SLC43A2: variants seen among roughly 807,000 people sequenced by gnomAD.
SLC43A2 encodes solute carrier family 43 member 2, also known as large neutral amino acids transporter small subunit 4.
A neutral mutation model predicts 63.2 loss-of-function variants in SLC43A2; 38 were observed. That is an observed-to-expected ratio of 0.60 (90% CI 0.46 to 0.79). The LOEUF is 0.79. Ranked by LOEUF, SLC43A2 falls within the 30% of genes least tolerant of loss-of-function variation. The pLI is 0.00. For synonymous variants in SLC43A2, 322 were observed against 331.0 expected, an observed-to-expected ratio of 0.97 and a Z score of 0.30; for missense variants, 644 against 756.2, an observed-to-expected ratio of 0.85 and a Z score of 1.74.
rs1304359658 is a variant in SLC43A2 at position 1,573,406 on chromosome 17, G to C, written c.*2198C>G. The C allele has an allele frequency of 6.6e-6, 1 of 152,288 alleles. No individual in the cohort carries two copies. Among genetic ancestry groups the C allele is most frequent in the Non-Finnish European group, 1.5e-5 (1 of 68,112 alleles). The allele number at this position is 152,288 out of a possible 1,614,324, so 9.4% of individuals were successfully genotyped here. On this transcript the variant is annotated 3_prime_UTR_variant, in exon 14 of 14. Transcript: ENST00000301335. ...TGGAGGCTGGTGGCTCTGATGGTTC[G>C]AGCCGTTCCTCGGCAGCACAGCACA...
In SLC43A2 at chr17:1,574,721, G is replaced by C. The variant is rs1301506926; in HGVS notation, c.*883C>G. Reference sequence around the variant, plus strand: ...AGGCCTGGCGGCTCCCGCCTGGTCAGTGGGGATAAGGGCTAACTCCTAGAG... The same window carrying C: ...AGGCCTGGCGGCTCCCGCCTGGTCACTGGGGATAAGGGCTAACTCCTAGAG... On this transcript the variant is annotated 3_prime_UTR_variant, in exon 14 of 14. Coordinates refer to ENST00000301335, the MANE Select transcript of SLC43A2 (RefSeq NM_152346.3). The C allele has an allele frequency of 6.6e-6, 1 of 152,386 alleles. No homozygotes were observed. Among genetic ancestry groups the C allele is most frequent in the African/African-American group, 2.4e-5 (1 of 41,476 alleles). 9.4% of individuals were successfully genotyped at this position (152,386 alleles called of 1,614,324 possible). A position where few individuals can be genotyped will look rare whatever the true frequency, so the allele number is the denominator to read the frequency against.
chr17:1,627,851 G>A lies in SLC43A2; in HGVS notation c.24C>T (p.Ala8=). The A allele has an allele frequency of 1.3e-6, 2 of 1,582,444 alleles. No homozygotes were observed. The highest frequency in any genetic ancestry group is 1.7e-6 in the Non-Finnish European group (2 of 1,164,726). MAPTLAT[A]HRRRWWMACT... is the part of the protein sequence containing the mutation. ...AGGCCATCCACCAGCGGCGCCGATGGGCAGTGGCCAGGGTGGGCGCCATGG... is the reference window on the plus strand; with the variant it reads ...AGGCCATCCACCAGCGGCGCCGATGAGCAGTGGCCAGGGTGGGCGCCATGG... The change falls in exon 2 of 14, where the codon GCC becomes GCT. Residue 8 remains alanine (A), a synonymous_variant. Coordinates refer to ENST00000301335, the MANE Select transcript of SLC43A2 (RefSeq NM_152346.3).
At chr17:1,582,765 T>C (rs1173732851) in intron 11 of SLC43A2, among the ~76,000 whole-genome samples, 3 of 152,070 alleles carry the variant, frequency 2.0e-5, no homozygotes, top group East Asian at 1.9e-4. Context: ...GGCTGCTCGG[T>C]TGAGTGGAAT....
intron 5 of SLC43A2, among the ~76,000 whole-genome samples, chr17:1,600,781 C>T (rs936901180): frequency 1.3e-5 from 2 of 151,748 alleles, no homozygotes; most frequent in Non-Finnish European, 2.9e-5. Context: ...TGGTCTCAAA[C>T]TCCTGACCTC....
rs1367171905 is a variant in SLC43A2 at position 1,570,555 on chromosome 17, C to T, written c.*5049G>A. 2.0e-5 allele frequency: 3 copies of T among 147,594 alleles called. No homozygotes were observed. Among genetic ancestry groups the T allele is most frequent in the East Asian group, 2.0e-4 (1 of 4,966 alleles). 9.1% of individuals were successfully genotyped at this position (147,594 alleles called of 1,614,324 possible). ...AGGCTGGAGTGCAGTGGCGGGATCT[C>T]GGCTCACTGCAAGCTCCGCCTCCCG... On this transcript the variant is annotated 3_prime_UTR_variant, in exon 14 of 14. Coordinates refer to ENST00000301335, the MANE Select transcript of SLC43A2 (RefSeq NM_152346.3).
chr17:1,574,064 T>G lies in SLC43A2; in HGVS notation c.*1540A>C, dbSNP rs2075886087. On this transcript the variant is annotated 3_prime_UTR_variant, in exon 14 of 14. Coordinates refer to ENST00000301335, the MANE Select transcript of SLC43A2 (RefSeq NM_152346.3). ...CCCTGCCGCCCACATCCTGAACTGC[T>G]CTGAGCCTGCAGAAGAACCCAGCGG... 6.6e-6 allele frequency: 1 copy of G among 152,338 alleles called. No homozygotes were observed. Among genetic ancestry groups the G allele is most frequent in the African/African-American group, 2.4e-5 (1 of 41,412 alleles). The allele number at this position is 152,338 out of a possible 1,614,324, so 9.4% of individuals were successfully genotyped here.
rs909630648 is a variant in SLC43A2 at position 1,606,707 on chromosome 17, G to A, written c.501+6488C>T. Among the ~76,000 whole-genome samples, 6 of 152,214 alleles carry A rather than the reference G, an allele frequency of 3.9e-5. No homozygotes were observed. Among genetic ancestry groups the A allele is most frequent in the African/African-American group, 1.4e-4 (6 of 41,464 alleles). ...GCGAGGCACTGAACAAACACTGAGC[G>A]TGCCGTCCAGATGTCCCGGGGGAGG... On this transcript the variant is annotated intron_variant, in intron 5 of 13. Transcript: ENST00000301335. The surrounding 1 kb of genome is among the most constrained non-coding windows in gnomAD (Gnocchi z 4.7).
chr17:1,605,007 C>A lies in SLC43A2; in HGVS notation c.501+8188G>T. Reference sequence around the variant, plus strand: ...CTCGAGGGCTGGCGGAGGGGAAGGACCCCAGGAGGGGAAGGACCAGCTTTG... The same window carrying A: ...CTCGAGGGCTGGCGGAGGGGAAGGAACCCAGGAGGGGAAGGACCAGCTTTG... On this transcript the variant is annotated intron_variant, in intron 5 of 13. Coordinates refer to ENST00000301335, the MANE Select transcript of SLC43A2 (RefSeq NM_152346.3). This position sits in a 1 kb window ranked among gnomAD's most constrained non-coding sequence, Gnocchi z 4.9. 7.0e-7 allele frequency: 1 copy of A among 1,433,350 alleles called. No individual in the cohort carries two copies. Among genetic ancestry groups the A allele is most frequent in the Non-Finnish European group, 9.1e-7 (1 of 1,094,892 alleles). The allele number at this position is 1,433,350 out of a possible 1,614,324, so 88.8% of individuals were successfully genotyped here. A position where few individuals can be genotyped will look rare whatever the true frequency, so the allele number is the denominator to read the frequency against.
rs534321452 is a variant in SLC43A2 at position 1,591,054 on chromosome 17, G to A, written c.932-106C>T. On this transcript the variant is annotated intron_variant, in intron 8 of 13. Coordinates refer to ENST00000301335, the MANE Select transcript of SLC43A2 (RefSeq NM_152346.3). The stretch of plus-strand genomic sequence containing the variant: ...GAGGCCAGGAGGGGGCCCTCGGGAC[G>A]GGCCTGGTGAGGGTAACGGGGTTGG... The A allele has an allele frequency of 5.8e-4, 788 of 1,356,612 alleles. 1 individual carries two copies. In the African/African-American group the frequency reaches 0.01, roughly 18 times the overall value. The allele number at this position is 1,356,612 out of a possible 1,614,324, so 84.0% of individuals were successfully genotyped here.
chr17:1,598,514 G>A (rs534801251), intron 5 of SLC43A2, among the ~76,000 whole-genome samples: 1 of 152,244 alleles, frequency 6.6e-6, no homozygotes, highest in South Asian at 2.1e-4. Context: ...TGCAGGGTCA[G>A]GTGAGGCTAA....
At chr17:1,604,672 T>C in intron 5 of SLC43A2, 2 of 1,499,246 alleles carry the variant, frequency 1.3e-6, no homozygotes, top group Admixed American at 2.0e-5. Context: ...CAATGCCCAG[T>C]CCCCAACTAG....
Position 1,583,177 on chromosome 17 carries a change from C to G in SLC43A2, c.1350+27G>C. The G allele has an allele frequency of 6.2e-7, 1 of 1,609,092 alleles. No individual in the cohort carries two copies. The highest frequency in any genetic ancestry group is 1.1e-5 in the South Asian group (1 of 91,002). Reference sequence around the variant, plus strand: ...TTCCTTCTGACTGCCCCACCTCCCACCTGCCCCTCCCACTCCCCACACCCA... The same window carrying G: ...TTCCTTCTGACTGCCCCACCTCCCAGCTGCCCCTCCCACTCCCCACACCCA... On this transcript the variant is annotated intron_variant, in intron 11 of 13. Transcript: ENST00000301335. This position sits in a 1 kb window ranked among gnomAD's most constrained non-coding sequence, Gnocchi z 5.5.
chr17:1,591,627 G>A lies in SLC43A2; in HGVS notation c.667C>T (p.Leu223Phe). 6.5e-7 allele frequency: 1 copy of A among 1,548,934 alleles called. No homozygotes were observed. Among genetic ancestry groups the A allele is most frequent in the South Asian group, 1.2e-5 (1 of 84,026 alleles). Residue 223 changes from leucine to phenylalanine, a missense_variant, in exon 7 of 14, where the codon CTC (leucine) becomes TTC (phenylalanine). Around this residue, in one of 3 missense-constraint regions of SLC43A2, gnomAD observed 528 missense variants for 623.6 expected, o/e 0.85. Transcript: ENST00000301335. ...VWAGCSGLVF[L>F]NCFFNWPLEP... ...AGGGGCCAGTTAAAGAAGCAGTTGA[G>A]GAAAACCAGCCCGGAGCAGCCGGCC...
At chr17:1,621,341 C>T (rs1321442177) in intron 2 of SLC43A2, among the ~76,000 whole-genome samples, 4 of 152,268 alleles carry the variant, frequency 2.6e-5, no homozygotes, top group East Asian at 1.9e-4. Context: ...TCCTGAGCTG[C>T]CCCCTTCCCT....
In SLC43A2 at chr17:1,590,993, C is replaced by A. The variant is rs530919072; in HGVS notation, c.932-45G>T. 30 of 1,541,290 alleles carry A rather than the reference C, an allele frequency of 1.9e-5. 1 individual carries two copies. In the South Asian group the frequency reaches 3.3e-4, roughly 17 times the overall value. ...GGCTCAGGGCCGGGGCACACTGTCC[C>A]CACCACCGGGGGGACACGCAGATCC... is the stretch of plus-strand genomic sequence containing the variant. On this transcript the variant is annotated intron_variant, in intron 8 of 13. Transcript: ENST00000301335.
chr17:1,593,295 C>T lies in SLC43A2; in HGVS notation c.502-16G>A. On this transcript the variant is annotated splice_polypyrimidine_tract_variant and intron_variant, in intron 5 of 13. Transcript: ENST00000301335. The surrounding 1 kb of genome is among the most constrained non-coding windows in gnomAD (Gnocchi z 5.3). Reference sequence around the variant, plus strand: ...TGTTGGGCAGCTGAGAGATAAGAAGCAGAGAAACCTCAGTGGGGAGGATGC... The same window carrying T: ...TGTTGGGCAGCTGAGAGATAAGAAGTAGAGAAACCTCAGTGGGGAGGATGC... 6.2e-7 allele frequency: 1 copy of T among 1,611,520 alleles called. No individual in the cohort carries two copies. The highest frequency in any genetic ancestry group is 8.5e-7 in the Non-Finnish European group (1 of 1,178,634).
intron 5 of SLC43A2, among the ~76,000 whole-genome samples, chr17:1,611,192 C>T (rs568528912): frequency 2.0e-5 from 3 of 152,084 alleles, no homozygotes; most frequent in African/African-American, 7.2e-5. Flanking sequence ...GACAAAACAC[C>T]TCTCGGCATT....
chr17:1,619,950 T>C (rs1399933388), intron 2 of SLC43A2, among the ~76,000 whole-genome samples: 1 of 152,044 alleles, frequency 6.6e-6, no homozygotes, highest in African/African-American at 2.4e-5. Flanking sequence ...GGACAAGGAA[T>C]GGAGTGGGTG....
chr17:1,617,898 G>A (rs1408035751), intron 2 of SLC43A2, among the ~76,000 whole-genome samples: 1 of 152,234 alleles, frequency 6.6e-6, no homozygotes, highest in African/African-American at 2.4e-5. Flanking sequence ...GGACGGGCTG[G>A]GAACGTGGCT....
Sources: gnomAD v4.1 joint callset for allele counts (sites outside exome capture counted in the v4.1 genomes callset) on GRCh38, gnomAD v4.1.1 for gene constraint, gnomAD v4.1.1 regional missense constraint, Gnocchi (gnomAD v3.1) non-coding constraint, MANE v1.5 for transcripts, NCBI Gene and HGNC (gene_info 2026-07-23, HGNC 2026-07-21) for gene names.